Variants in PACRG observed in about 807,000 individuals in gnomAD.
PACRG encodes the protein parkin coregulated, also known as parkin coregulated gene protein.
Under a neutral mutation model 29.7 loss-of-function variants are expected in PACRG, and 29 were observed. The ratio of observed to expected loss-of-function variants is 0.98; its 90% CI spans 0.73 to 1.33. PACRG has a LOEUF of 1.33. Among genes scored for constraint, PACRG ranks in the 40% most tolerant of loss-of-function variants. The pLI is 0.00. For synonymous variants in PACRG, 116 were observed against 118.7 expected (o/e 0.98, Z 0.15); for missense variants, 279 against 316.2 (o/e 0.88, Z 0.89).
At chr6:163,254,373 CACA>C (rs202153819) in intron 4 of PACRG, among the ~76,000 whole-genome samples, 2,092 of 152,134 alleles carry the variant, frequency 0.014, 47 homozygotes, top group African/African-American at 0.048. Flanking sequence ...AGGGAAGAGG[CACA>C]ACAATAAAAA....
chr6:163,300,556 G>T (rs953406582), intron 4 of PACRG, among the ~76,000 whole-genome samples: 1 of 152,186 alleles, frequency 6.6e-6, no homozygotes, highest in Non-Finnish European at 1.5e-5. Context: ...GCTTAACCGG[G>T]CTGTCTCCTC....
intron 4 of PACRG, among the ~76,000 whole-genome samples, chr6:163,194,612 C>T (rs1047782054): frequency 2.0e-5 from 3 of 152,062 alleles, no homozygotes; most frequent in South Asian, 2.1e-4. Context: ...CCGGGGTGTC[C>T]GAGGTGTTTG....
At chr6:162,950,895 G>C (rs564248885) in intron 2 of PACRG, among the ~76,000 whole-genome samples, 40 of 152,292 alleles carry the variant, frequency 2.6e-4, no homozygotes, top group Middle Eastern at 3.4e-3. Flanking sequence ...GCTTGTTCTA[G>C]CACTTAGTGA....
At chr6:162,733,446 T>C (rs1779924388) in intron 1 of PACRG, among the ~76,000 whole-genome samples, 1 of 152,190 alleles carries the variant, frequency 6.6e-6, no homozygotes, top group Non-Finnish European at 1.5e-5. Context: ...TTATCTCATA[T>C]TCTCCTACTT....
intron 1 of PACRG, among the ~76,000 whole-genome samples, chr6:162,736,429 A>T (rs758630879): frequency 2.6e-5 from 4 of 152,188 alleles, no homozygotes; most frequent in African/African-American, 4.8e-5. Flanking sequence ...TCATTTCATG[A>T]TGGGAGCAAG....
chr6:162,982,158 A>G (rs1450322321), intron 2 of PACRG, among the ~76,000 whole-genome samples: 8 of 151,912 alleles, frequency 5.3e-5, no homozygotes, highest in African/African-American at 7.2e-5. Flanking sequence ...TTTGTTTCCA[A>G]TTGAGCTTAT....
At chr6:163,031,057 G>C (rs1242867966) in intron 2 of PACRG, among the ~76,000 whole-genome samples, 4 of 152,092 alleles carry the variant, frequency 2.6e-5, no homozygotes, top group Non-Finnish European at 5.9e-5. Flanking sequence ...TTGTGTTCAG[G>C]GTAGAGAGGA....
At chr6:163,125,365 G>T (rs969878887) in intron 4 of PACRG, among the ~76,000 whole-genome samples, 1 of 152,144 alleles carries the variant, frequency 6.6e-6, no homozygotes. Flanking sequence ...CCACAGAACA[G>T]GTTCTAGGAA....
intron 1 of PACRG, among the ~76,000 whole-genome samples, chr6:162,809,479 A>G (rs1480029255): frequency 1.3e-5 from 2 of 152,332 alleles, no homozygotes; most frequent in South Asian, 2.1e-4. Flanking sequence ...TCTGTAGGGT[A>G]CATGAAAATT....
At chr6:162,904,253 T>C (rs928278961) in intron 2 of PACRG, among the ~76,000 whole-genome samples, 3 of 152,214 alleles carry the variant, frequency 2.0e-5, no homozygotes, top group African/African-American at 7.2e-5. Context: ...AACATCTACA[T>C]GAATGACGCA....
intron 4 of PACRG, among the ~76,000 whole-genome samples, chr6:163,247,145 T>G (rs1292367862): frequency 2.0e-5 from 3 of 152,200 alleles, no homozygotes; most frequent in Admixed American, 2.0e-4. Context: ...ATGACTTCCA[T>G]TCTAGAAGGT....
intron 4 of PACRG, among the ~76,000 whole-genome samples, chr6:163,187,381 G>C (rs1008893695): frequency 6.6e-6 from 1 of 151,958 alleles, no homozygotes; most frequent in Non-Finnish European, 1.5e-5. Flanking sequence ...TTCTGTGCTC[G>C]CCGCCCGCCT....
At chr6:163,189,489 C>T (rs1780104060) in intron 4 of PACRG, 1 of 152,164 alleles carries the variant, frequency 6.6e-6, no homozygotes, top group Admixed American at 6.5e-5. Context: ...GCCTTATGCC[C>T]AGCTTATTCA....
intron 2 of PACRG, among the ~76,000 whole-genome samples, chr6:162,980,607 T>C (rs1802331481): frequency 6.6e-6 from 1 of 152,102 alleles, no homozygotes; most frequent in South Asian, 2.1e-4. Flanking sequence ...TCCTATGGAG[T>C]AGCAACAGGG....
chr6:163,196,683 G>C (rs952942825), intron 4 of PACRG, among the ~76,000 whole-genome samples: 4 of 152,164 alleles, frequency 2.6e-5, no homozygotes, highest in Non-Finnish European at 4.4e-5. Context: ...AGAAGGAAGA[G>C]AGGCCAAGAA....
intron 3 of PACRG, among the ~76,000 whole-genome samples, chr6:163,063,330 C>A (rs977884907): frequency 6.6e-6 from 1 of 152,114 alleles, no homozygotes; most frequent in Non-Finnish European, 1.5e-5. Flanking sequence ...CTGCTCCCCC[C>A]GCCCCAAGTT....
intron 1 of PACRG, among the ~76,000 whole-genome samples, chr6:162,806,936 G>A (rs1056031613): frequency 1.3e-5 from 2 of 152,152 alleles, no homozygotes; most frequent in African/African-American, 4.8e-5. Context: ...GTTTACTGTA[G>A]CCACTTTCAT....
At chr6:163,313,626 T>C (rs1785526426) in intron 4 of PACRG, 1 of 152,218 alleles carries the variant, frequency 6.6e-6, no homozygotes, top group Non-Finnish European at 1.5e-5. Context: ...GGTCTACACT[T>C]GAAATATGAA....
chr6:162,902,736 A>T (rs904580620), intron 2 of PACRG, among the ~76,000 whole-genome samples: 9 of 152,202 alleles, frequency 5.9e-5, no homozygotes, highest in African/African-American at 2.2e-4. Flanking sequence ...GAGTTTTCAG[A>T]TCAATTTTTT....
Sources: allele counts gnomAD v4.1 joint callset (sites outside exome capture counted in the v4.1 genomes callset), GRCh38; gene constraint gnomAD v4.1.1; transcripts MANE v1.5; gene names NCBI Gene and HGNC (gene_info 2026-07-23, HGNC 2026-07-21).